The following CORIN variants were observed in gnomAD, a reference collection of about 807,000 sequenced individuals.
The protein encoded by CORIN is atrial natriuretic peptide-converting enzyme.
Under a neutral mutation model 125.3 loss-of-function variants are expected in CORIN, and 117 were observed. The observed-to-expected ratio is 0.93, with a 90% CI of 0.80 to 1.09. The LOEUF is 1.09. Among genes scored for constraint, CORIN ranks in the 50% least tolerant of loss-of-function variants. The pLI, the probability that CORIN is intolerant of heterozygous loss-of-function variation, is 0.00. For missense variants in CORIN, 1,253 were observed against 1,306.7 expected, an observed-to-expected ratio of 0.96 and a Z score of 0.63; for synonymous variants, 450 against 466.4, an observed-to-expected ratio of 0.96 and a Z score of 0.45.
At chr4:47,629,099 A>T (rs1452128588) in intron 16 of CORIN, among the ~76,000 whole-genome samples, 1 of 152,134 alleles carries the variant, frequency 6.6e-6, no homozygotes, top group Non-Finnish European at 1.5e-5. Flanking sequence ...TCTATTTTAA[A>T]TTTTTTGAGG....
In CORIN at chr4:47,600,368, A is replaced by AAT. The variant is rs770492953; in HGVS notation, c.2813-23_2813-22dup. ...TGGCACTGAATTTTTAAAAAATAAGAATATATATATGATGATAAAATGACT... is the reference window on the plus strand; with the variant it reads ...TGGCACTGAATTTTTAAAAAATAAGAATATATATATATGATGATAAAATGACT... On this transcript the variant is annotated intron_variant, in intron 20 of 21. Coordinates refer to ENST00000273857, the MANE Select transcript of CORIN (RefSeq NM_006587.4). 36 of 1,582,242 alleles carry AAT rather than the reference A, an allele frequency of 2.3e-5. No homozygotes were observed. The African/African-American group carries it at 2.9e-4, about 13-fold the overall frequency.
chr4:47,744,898 G>C (rs1161603673), intron 4 of CORIN, among the ~76,000 whole-genome samples: 2 of 152,054 alleles, frequency 1.3e-5, no homozygotes, highest in African/African-American at 2.4e-5. Flanking sequence ...AATATCAAAA[G>C]GGGAAAATTA....
chr4:47,799,856 C>T (rs951752152), intron 2 of CORIN, among the ~76,000 whole-genome samples: 4 of 152,126 alleles, frequency 2.6e-5, no homozygotes, highest in Admixed American at 6.6e-5. Context: ...ACCCAAATGT[C>T]TATCAATTGA....
At chr4:47,653,748 G>T in intron 12 of CORIN, 88 bp from the exon 13 acceptor site, 1 of 1,170,770 alleles carries the variant, frequency 8.5e-7, no homozygotes, top group Non-Finnish European at 1.2e-6. Flanking sequence ...TTGTCAAGGA[G>T]CTTTTACTGA....
intron 1 of CORIN, among the ~76,000 whole-genome samples, chr4:47,825,131 A>G (rs1732685604): frequency 6.6e-6 from 1 of 152,230 alleles, no homozygotes; most frequent in Non-Finnish European, 1.5e-5. Flanking sequence ...GGTGCGAGAC[A>G]CAAAACAGAG....
chr4:47,811,692 A>G (rs539016378), intron 1 of CORIN, among the ~76,000 whole-genome samples: 1 of 152,304 alleles, frequency 6.6e-6, no homozygotes, highest in African/African-American at 2.4e-5. Flanking sequence ...TGGTTGGATT[A>G]CCTTTTGGGA....
intron 5 of CORIN, among the ~76,000 whole-genome samples, chr4:47,702,478 TAAAC>T (rs996558460): frequency 1.8e-4 from 27 of 152,242 alleles, no homozygotes; most frequent in African/African-American, 5.3e-4. Flanking sequence ...AGGACAAACA[TAAAC>T]AAAGAAAAAT....
chr4:47,703,097 T>C (rs1170965708), intron 5 of CORIN, among the ~76,000 whole-genome samples: 1 of 152,158 alleles, frequency 6.6e-6, no homozygotes, highest in East Asian at 1.9e-4. Flanking sequence ...ATTGGTACTG[T>C]AGGACCTCAA....
rs544239059 is a variant in CORIN at position 47,754,556 on chromosome 4, A to T, written c.617+8823T>A. Among the ~76,000 whole-genome samples, 6 of 152,210 alleles carry T rather than the reference A, an allele frequency of 3.9e-5. No individual in the cohort carries two copies. In the South Asian group the frequency reaches 1.2e-3, roughly 32 times the overall value. On this transcript the variant is annotated intron_variant, in intron 4 of 21. Transcript: ENST00000273857. ...ATTCCCAAATGAGATACAATTTGGG[A>T]CATATGTAACTTAACACCTAGAGCC...
intron 1 of CORIN, chr4:47,837,459 A>C: frequency 3.7e-6 from 1 of 268,258 alleles, no homozygotes; most frequent in Non-Finnish European, 7.2e-6. Flanking sequence ...TAGATCCCCG[A>C]GGGGCTGGCT....
intron 21 of CORIN, among the ~76,000 whole-genome samples, chr4:47,596,140 AT>A (rs926459383): frequency 6.6e-6 from 1 of 152,066 alleles, no homozygotes; most frequent in Non-Finnish European, 1.5e-5. Context: ...AAGAAATTAT[AT>A]TTTTCCCCCA....
At chr4:47,804,920 C>T (rs565322058) in intron 2 of CORIN, among the ~76,000 whole-genome samples, 29 of 151,168 alleles carry the variant, frequency 1.9e-4, no homozygotes, top group African/African-American at 2.9e-4. Flanking sequence ...GTGGATCACG[C>T]GGTCAGGAGA....
At chr4:47,696,629 AAAGCTAGTT>A (rs1336244513) in intron 5 of CORIN, among the ~76,000 whole-genome samples, 1 of 152,178 alleles carries the variant, frequency 6.6e-6, no homozygotes, top group Non-Finnish European at 1.5e-5. Flanking sequence ...TACTGCCTAA[AAAGCTAGTT>A]TACATGTCCA....
At position 47,643,205 on chromosome 4, in the gene CORIN, C is replaced by T. The variant is rs374076267; in HGVS notation, c.2009G>A (p.Arg670His). ...LECANHACVS[R>H]DLWCDGEADC... Reference sequence around the variant, plus strand: ...GGCTTCACCATCACACCACAGGTCACGTGACACACACGCATGGTTTGCACA... The same window carrying T: ...GGCTTCACCATCACACCACAGGTCATGTGACACACACGCATGGTTTGCACA... The change falls in exon 15 of 22, where the codon CGT becomes CAT. Residue 670 changes from arginine (R) to histidine (H), a missense_variant. Transcript: ENST00000273857. The T allele has an allele frequency of 6.1e-5, 98 of 1,613,830 alleles. No homozygotes were observed. Among genetic ancestry groups the T allele is most frequent in the Non-Finnish European group, 7.9e-5 (93 of 1,179,944 alleles).
chr4:47,607,980 G>A (rs903761982), intron 19 of CORIN, among the ~76,000 whole-genome samples: 2 of 149,594 alleles, frequency 1.3e-5, no homozygotes, highest in African/African-American at 2.5e-5. Flanking sequence ...TACCATTGGA[G>A]AAACACATGG....
chr4:47,676,910 C>T (rs889532509), intron 9 of CORIN, among the ~76,000 whole-genome samples: 26 of 152,138 alleles, frequency 1.7e-4, no homozygotes, highest in African/African-American at 4.8e-4. Flanking sequence ...AATTTAAAAA[C>T]TGGTAAAACA....
intron 1 of CORIN, among the ~76,000 whole-genome samples, chr4:47,822,909 G>A (rs1050191058): frequency 6.0e-5 from 9 of 151,258 alleles, no homozygotes; most frequent in Admixed American, 4.6e-4. Flanking sequence ...TCCACCTCCC[G>A]GGTTCAAGCG....
chr4:47,668,616 A>G (rs1724585951), intron 10 of CORIN, among the ~76,000 whole-genome samples: 1 of 152,184 alleles, frequency 6.6e-6, no homozygotes, highest in Non-Finnish European at 1.5e-5. Context: ...TTCCTTGTGC[A>G]TACCCTCCGT....
chr4:47,630,444 C>T (rs17462693), intron 16 of CORIN, among the ~76,000 whole-genome samples: 23,067 of 152,126 alleles, frequency 0.15, 2,349 homozygotes, highest in South Asian at 0.26. Flanking sequence ...ACAAAAAAGT[C>T]CTGTTGTGTA....
Sources: allele counts gnomAD v4.1 joint callset (sites outside exome capture counted in the v4.1 genomes callset), GRCh38; gene constraint gnomAD v4.1.1; transcripts MANE v1.5; gene names NCBI Gene and HGNC (gene_info 2026-07-23, HGNC 2026-07-21).